The following ATP6V0A4 variants were observed in gnomAD, a reference collection of about 807,000 sequenced individuals.
ATP6V0A4 encodes V-type proton ATPase 116 kDa subunit a 4.
A neutral mutation model predicts 107.3 loss-of-function variants in ATP6V0A4; 86 were observed. The observed-to-expected ratio is 0.80, with a 90% CI of 0.67 to 0.96. The LOEUF is 0.96. Among genes scored for constraint, ATP6V0A4 ranks in the 40% least tolerant of loss-of-function variants. ATP6V0A4 has a pLI of 0.00. For synonymous variants in ATP6V0A4, 353 were observed against 381.4 expected, an observed-to-expected ratio of 0.93 and a Z score of 0.87; for missense variants, 908 against 1,045.6, an observed-to-expected ratio of 0.87 and a Z score of 1.81.
intron 18 of ATP6V0A4, among the ~76,000 whole-genome samples, chr7:138,725,644 C>T (rs1804672180): frequency 6.6e-6 from 1 of 152,116 alleles, no homozygotes; most frequent in Non-Finnish European, 1.5e-5. Context: ...TTCCGAGTAG[C>T]TGGGATTATA....
intron 15 of ATP6V0A4, among the ~76,000 whole-genome samples, chr7:138,737,788 TCTCA>T (rs61069797): frequency 0.03 from 4,387 of 145,076 alleles, 187 homozygotes; most frequent in East Asian, 0.1. Flanking sequence ...TGAGATGGGC[TCTCA>T]CTCTGGTTGC....
intron 2 of ATP6V0A4, among the ~76,000 whole-genome samples, chr7:138,782,454 T>G (rs1029307269): frequency 1.3e-5 from 2 of 152,146 alleles, no homozygotes; most frequent in Non-Finnish European, 2.9e-5. Context: ...ATCCTCCGGA[T>G]TAGAACTACA....
intron 21 of ATP6V0A4, among the ~76,000 whole-genome samples, chr7:138,707,323 T>TA (rs1803480789): frequency 2.8e-5 from 2 of 72,138 alleles, no homozygotes; most frequent in Non-Finnish European, 5.1e-5. Context: ...TTTATATTTA[T>TA]ATTTATATTT....
At chr7:138,722,744 CAAAAAAAAAAAAA>C (rs71169049) in intron 18 of ATP6V0A4, among the ~76,000 whole-genome samples, 5 of 33,466 alleles carry the variant, frequency 1.5e-4, no homozygotes, top group African/African-American at 4.0e-4. Flanking sequence ...GACTCCATCT[CAAAAAAAAAAAAA>C]AAAAAAAAAA....
chr7:138,758,891 C>T (rs1020156940), intron 8 of ATP6V0A4, among the ~76,000 whole-genome samples: 2 of 150,998 alleles, frequency 1.3e-5, no homozygotes, highest in Non-Finnish European at 2.9e-5. Flanking sequence ...GCTGGCACTA[C>T]AGGTGTGCGC....
intron 18 of ATP6V0A4, among the ~76,000 whole-genome samples, chr7:138,726,356 G>T (rs919305249): frequency 6.6e-6 from 1 of 152,204 alleles, no homozygotes. Flanking sequence ...GGGGGGACCT[G>T]GGTTCATAGC....
chr7:138,760,821 A>G (rs1057084687), intron 7 of ATP6V0A4, among the ~76,000 whole-genome samples: 27 of 152,132 alleles, frequency 1.8e-4, no homozygotes, highest in Non-Finnish European at 3.2e-4. Flanking sequence ...CAAACTCACA[A>G]TTTTCAGAAA....
At chr7:138,725,756 AC>A (rs1175774030) in intron 18 of ATP6V0A4, among the ~76,000 whole-genome samples, 1 of 151,860 alleles carries the variant, frequency 6.6e-6, no homozygotes, top group Non-Finnish European at 1.5e-5. Context: ...CAGGCAATCC[AC>A]CTGCCTCAGC....
rs543668172 is a variant in ATP6V0A4 at position 138,793,704 on chromosome 7, A to C, written c.-121+4330T>G. ...GCAACTAAGCTACAAATCAATAACA[A>C]AAAGATAACTAGAAAACCTCCGTAT... is the stretch of plus-strand genomic sequence containing the variant. On this transcript the variant is annotated intron_variant, in intron 1 of 21. Coordinates refer to ENST00000310018, the MANE Select transcript of ATP6V0A4 (RefSeq NM_020632.3). 1.3e-3 allele frequency among the ~76,000 whole-genome samples: 199 copies of C among 152,326 alleles called. 1 individual carries two copies. Among genetic ancestry groups the C allele is most frequent in the Middle Eastern group, 0.01 (3 of 294 alleles).
At chr7:138,717,096 C>T (rs1400763491) in intron 19 of ATP6V0A4, among the ~76,000 whole-genome samples, 2 of 152,146 alleles carry the variant, frequency 1.3e-5, no homozygotes, top group African/African-American at 4.8e-5. Context: ...AGGAGGTGGG[C>T]AGTTGGCTCT....
chr7:138,786,001 G>A (rs1388245781), intron 2 of ATP6V0A4, among the ~76,000 whole-genome samples, 157 bp downstream of exon 2: 1 of 152,086 alleles, frequency 6.6e-6, no homozygotes, highest in African/African-American at 2.4e-5. Flanking sequence ...TCACGTCCTA[G>A]GACACTGAGC....
In ATP6V0A4 at chr7:138,745,158, C is replaced by G; in HGVS notation, c.1443G>C (p.Trp481Cys). ...CGTTTCTGAACATGGGTTGGACACT[C>G]CAAGAAGAGCCAAAGATGTTCAAGG... ...SKSLNIFGSS[W>C]SVQPMFRNGT... The change falls in exon 14 of 22, where the codon TGG becomes TGC. Residue 481 changes from tryptophan (W) to cysteine (C), a missense_variant. By Grantham distance (215) the Trp-to-Cys change is radical. Coordinates refer to ENST00000310018, the MANE Select transcript of ATP6V0A4 (RefSeq NM_020632.3). 6.2e-7 allele frequency: 1 copy of G among 1,614,182 alleles called. No homozygotes were observed. Among genetic ancestry groups the G allele is most frequent in the Non-Finnish European group, 8.5e-7 (1 of 1,180,028 alleles).
chr7:138,775,487 T>C (rs1563015978), intron 2 of ATP6V0A4, among the ~76,000 whole-genome samples: 1 of 152,082 alleles, frequency 6.6e-6, no homozygotes, highest in Non-Finnish European at 1.5e-5. Context: ...ATTTGCATTT[T>C]TTTTTAAGAG....
At chr7:138,769,391 T>G in intron 3 of ATP6V0A4, 140 bp from the exon 4 acceptor site, 3 of 1,338,714 alleles carry the variant, frequency 2.2e-6, no homozygotes, top group Non-Finnish European at 3.0e-6. Context: ...CTCAGCTCAC[T>G]GTAACCTCCA....
At chr7:138,774,655 T>C (rs940989940) in intron 2 of ATP6V0A4, among the ~76,000 whole-genome samples, 2 of 146,928 alleles carry the variant, frequency 1.4e-5, no homozygotes, top group Non-Finnish European at 3.0e-5. Flanking sequence ...ATACATTATA[T>C]ATTATATATT....
At chr7:138,797,216 T>C (rs797008864) in intron 1 of ATP6V0A4, among the ~76,000 whole-genome samples, 6 of 127,388 alleles carry the variant, frequency 4.7e-5, no homozygotes, top group African/African-American at 1.4e-4. Context: ...TTCTTTTTTT[T>C]TTTTTTTTTT....
At position 138,706,645 on chromosome 7, in the gene ATP6V0A4, C is replaced by T. The variant is rs1803380524; in HGVS notation, c.2502G>A (p.Leu834=). Residue 834 remains leucine (L), a synonymous_variant, in exon 22 of 22, where the codon CTG becomes CTA. Coordinates refer to ENST00000310018, the MANE Select transcript of ATP6V0A4 (RefSeq NM_020632.3). ...KFSPFSFKHI[L]DGTAEE ...CAGCCTACTCCTCGGCTGTGCCATC[C>T]AGGATGTGTTTAAAGGAGAATGGAG... 1.2e-6 allele frequency: 2 copies of T among 1,613,848 alleles called. No individual in the cohort carries two copies. The highest frequency in any genetic ancestry group is 1.7e-6 in the Non-Finnish European group (2 of 1,179,952).
chr7:138,750,683 T>C (rs1316183469), intron 11 of ATP6V0A4, among the ~76,000 whole-genome samples: 1 of 152,222 alleles, frequency 6.6e-6, no homozygotes, highest in East Asian at 1.9e-4. Flanking sequence ...TCCCTTCACC[T>C]GCTCCCCGGC....
At chr7:138,762,213 G>C in intron 7 of ATP6V0A4, 127 bp downstream of exon 7, 1 of 1,237,474 alleles carries the variant, frequency 8.1e-7, no homozygotes, top group Non-Finnish European at 1.2e-6. Context: ...TCTATCGCTT[G>C]GCAGAGGCTT....
Sources: gnomAD v4.1 joint callset for allele counts (sites outside exome capture counted in the v4.1 genomes callset) on GRCh38, gnomAD v4.1.1 for gene constraint, MANE v1.5 for transcripts, NCBI Gene and HGNC (gene_info 2026-07-23, HGNC 2026-07-21) for gene names.